The following SLC25A13 variants were observed in gnomAD, a reference collection of about 807,000 sequenced individuals.
SLC25A13 encodes the protein electrogenic aspartate/glutamate antiporter SLC25A13, mitochondrial.
Under a neutral mutation model 85.5 loss-of-function variants are expected in SLC25A13, and 70 were observed. The observed-to-expected ratio is 0.82, with a 90% CI of 0.68 to 1.00. The LOEUF (loss-of-function observed/expected upper bound fraction) is 1.00, where lower values mean the gene tolerates loss of function less well. SLC25A13 is among the 50% of genes least tolerant of loss of function. The probability of loss-of-function intolerance (pLI) is 0.00; values close to 1 mark genes in which losing one functional copy is unlikely to be tolerated. For synonymous variants in SLC25A13, 259 were observed against 288.7 expected (o/e 0.90, Z 1.04); for missense variants, 765 against 819.8 (o/e 0.93, Z 0.82).
intron 14 of SLC25A13, among the ~76,000 whole-genome samples, chr7:96,140,753 G>GTT (rs61262981): frequency 0.022 from 2,720 of 125,200 alleles, 94 homozygotes; most frequent in African/African-American, 0.073. Flanking sequence ...CTTATCTTTT[G>GTT]TTTTTTTTTT....
chr7:96,237,911 G>A (rs1796804011), intron 3 of SLC25A13, among the ~76,000 whole-genome samples: 1 of 152,166 alleles, frequency 6.6e-6, no homozygotes, highest in Non-Finnish European at 1.5e-5. Context: ...AACCAACTGT[G>A]ACTGTGTTTG....
chr7:96,229,447 G>A (rs1250205636), intron 4 of SLC25A13, among the ~76,000 whole-genome samples: 1 of 152,106 alleles, frequency 6.6e-6, no homozygotes, highest in East Asian at 1.9e-4. Context: ...GGGTGGGGCA[G>A]ATAAGGGAAT....
At chr7:96,228,402 T>A (rs2116789625) in intron 4 of SLC25A13, among the ~76,000 whole-genome samples, 1 of 152,100 alleles carries the variant, frequency 6.6e-6, no homozygotes, top group Admixed American at 6.5e-5. Context: ...ATATAACCCA[T>A]TAGGAATCAG....
chr7:96,126,675 C>T (rs1562778502), intron 15 of SLC25A13, among the ~76,000 whole-genome samples: 1 of 152,234 alleles, frequency 6.6e-6, no homozygotes, highest in Non-Finnish European at 1.5e-5. Flanking sequence ...TGGGGCATCT[C>T]TCAGTCCAGT....
intron 13 of SLC25A13, among the ~76,000 whole-genome samples, chr7:96,150,876 T>C (rs1793011940): frequency 6.6e-6 from 1 of 152,052 alleles, no homozygotes; most frequent in African/African-American, 2.4e-5. Context: ...TACCCAGGGC[T>C]ATATAGCCAG....
At chr7:96,143,670 TGCAAATG>T (rs1396687635) in intron 14 of SLC25A13, among the ~76,000 whole-genome samples, 6 of 152,374 alleles carry the variant, frequency 3.9e-5, no homozygotes, top group African/African-American at 1.4e-4. Context: ...TTTTTTCAGT[TGCAAATG>T]TATTTCTAAA....
At chr7:96,286,861 C>T (rs536228605) in intron 2 of SLC25A13, among the ~76,000 whole-genome samples, 3 of 152,334 alleles carry the variant, frequency 2.0e-5, no homozygotes, top group Non-Finnish European at 4.4e-5. Flanking sequence ...CACTGGCTGT[C>T]GCTGATCTAC....
At chr7:96,208,246 C>A (rs1274728232) in intron 5 of SLC25A13, among the ~76,000 whole-genome samples, 1 of 152,164 alleles carries the variant, frequency 6.6e-6, no homozygotes, top group Non-Finnish European at 1.5e-5. Context: ...GAGAAAATCA[C>A]TTGATTTCCC....
intron 2 of SLC25A13, among the ~76,000 whole-genome samples, chr7:96,288,344 G>A (rs551782205): frequency 1.3e-5 from 2 of 152,320 alleles, no homozygotes; most frequent in African/African-American, 4.8e-5. Context: ...CAGCGTGAGC[G>A]ATGCAGAAGA....
intron 4 of SLC25A13, chr7:96,219,732 C>T (rs748198350): frequency 1.9e-6 from 1 of 534,392 alleles, no homozygotes; most frequent in Admixed American, 1.9e-5. Context: ...ACAATGAGAA[C>T]CCATGGTCTA....
At chr7:96,259,808 T>C (rs1331181049) in intron 3 of SLC25A13, among the ~76,000 whole-genome samples, 1 of 152,102 alleles carries the variant, frequency 6.6e-6, no homozygotes, top group Admixed American at 6.6e-5. Context: ...CCAACCTAAA[T>C]GCTCGTCAAT....
rs561388196 is a variant in SLC25A13 at position 96,281,926 on chromosome 7, C to A, written c.70-4588G>T. Among the ~76,000 whole-genome samples, 5 of 152,126 alleles carry A rather than the reference C, an allele frequency of 3.3e-5. No homozygotes were observed. The South Asian group carries it at 1.0e-3, about 32-fold the overall frequency. ...TTAGGATTGATGGACAGAGGCAGAC[C>A]ATAATAAAAATATGTATGAGGGTAG... On this transcript the variant is annotated intron_variant, in intron 2 of 17. Coordinates refer to ENST00000265631, the MANE Select transcript of SLC25A13 (RefSeq NM_014251.3).
intron 13 of SLC25A13, among the ~76,000 whole-genome samples, chr7:96,166,303 A>C (rs1172402844): frequency 3.9e-5 from 6 of 152,218 alleles, no homozygotes; most frequent in Admixed American, 3.3e-4. Flanking sequence ...AAAACATGTT[A>C]ATTTGTCTTT....
intron 7 of SLC25A13, 65 bp from the exon 8 acceptor site, chr7:96,189,739 C>T: frequency 7.8e-7 from 1 of 1,287,166 alleles, no homozygotes; most frequent in Non-Finnish European, 1.1e-6. Context: ...TCAGCATTAA[C>T]TCAAGGCACT....
At chr7:96,257,305 G>C (rs893619616) in intron 3 of SLC25A13, among the ~76,000 whole-genome samples, 1 of 152,018 alleles carries the variant, frequency 6.6e-6, no homozygotes, top group Non-Finnish European at 1.5e-5. Context: ...TAACCAAATA[G>C]ATAGACCACT....
At chr7:96,144,229 C>A (rs1411306767) in intron 14 of SLC25A13, among the ~76,000 whole-genome samples, 1 of 151,990 alleles carries the variant, frequency 6.6e-6, no homozygotes, top group East Asian at 1.9e-4. Flanking sequence ...AGACAGAATG[C>A]TGGGAATATA....
rs1285939583 is a variant in SLC25A13 at position 96,296,892 on chromosome 7, A to G, written c.69+6T>C. On this transcript the variant is annotated splice_donor_region_variant and intron_variant, in intron 2 of 17. Transcript: ENST00000265631. ...CAAGAAACAAAATAGATTCCTTTAT[A>G]CTGACCTTCAAAAATATTGTTCTAA... 10 of 1,611,432 alleles carry G rather than the reference A, an allele frequency of 6.2e-6. No homozygotes were observed. The highest frequency in any genetic ancestry group is 1.3e-5 in the African/African-American group (1 of 74,896).
intron 11 of SLC25A13, among the ~76,000 whole-genome samples, chr7:96,174,690 C>T (rs1384307345): frequency 1.3e-5 from 2 of 152,174 alleles, no homozygotes; most frequent in African/African-American, 4.8e-5. Context: ...CCATAACTAT[C>T]CTGTGACAGT....
intron 3 of SLC25A13, among the ~76,000 whole-genome samples, chr7:96,274,184 C>T (rs1798353727): frequency 6.6e-6 from 1 of 151,354 alleles, no homozygotes; most frequent in Non-Finnish European, 1.5e-5. Flanking sequence ...CTTCATTTTA[C>T]AGGAGGTTCT....
Sources: allele counts gnomAD v4.1 joint callset (sites outside exome capture counted in the v4.1 genomes callset), GRCh38; gene constraint gnomAD v4.1.1; transcripts MANE v1.5; gene names NCBI Gene and HGNC (gene_info 2026-07-23, HGNC 2026-07-21).